Variants in RGS18 observed in about 807,000 individuals in gnomAD.
RGS18 encodes regulator of G-protein signaling 18.
Under a neutral mutation model 27.6 loss-of-function variants are expected in RGS18, and 22 were observed. The ratio of observed to expected loss-of-function variants is 0.80; its 90% CI spans 0.57 to 1.14. The LOEUF (loss-of-function observed/expected upper bound fraction) is 1.14, where lower values mean the gene tolerates loss of function less well. RGS18 is among the 50% of genes most tolerant of loss of function. The pLI, the probability that RGS18 is intolerant of heterozygous loss-of-function variation, is 0.00. For synonymous variants in RGS18, 89 were observed against 84.6 expected, an observed-to-expected ratio of 1.05 and a Z score of -0.29; for missense variants, 299 against 269.6, an observed-to-expected ratio of 1.11 and a Z score of -0.76.
chr1:192,163,457 C>T (rs1443271438), intron 3 of RGS18: 3 of 152,074 alleles, frequency 2.0e-5, no homozygotes, highest in Non-Finnish European at 4.4e-5. Context: ...AAATCCTCAC[C>T]TAGCATTCTG....
intron 4 of RGS18, among the ~76,000 whole-genome samples, chr1:192,182,950 C>G (rs1313885892): frequency 1.3e-5 from 2 of 151,432 alleles, no homozygotes; most frequent in Non-Finnish European, 3.0e-5. Context: ...GTAAATCTAA[C>G]TAGGCAAGTT....
Position 192,184,763 on chromosome 1 carries a change from A to G in RGS18, c.*209A>G. The G allele has an allele frequency of 2.2e-6, 1 of 455,972 alleles. No individual in the cohort carries two copies. Among genetic ancestry groups the G allele is most frequent in the East Asian group, 3.3e-5 (1 of 30,080 alleles). The allele number at this position is 455,972 out of a possible 1,614,324, so 28.2% of individuals were successfully genotyped here. The stretch of plus-strand genomic sequence containing the variant: ...AAAACCTTCTATTTGATGTCATTCC[A>G]TTTATAATCAGAAAAAAAACTTATT... On this transcript the variant is annotated 3_prime_UTR_variant, in exon 5 of 5. Transcript: ENST00000367460.
intron 3 of RGS18, among the ~76,000 whole-genome samples, chr1:192,175,747 C>T (rs531571158): frequency 4.6e-5 from 7 of 151,836 alleles, no homozygotes; most frequent in African/African-American, 9.7e-5. Flanking sequence ...TGCATGGAGG[C>T]TTCTGGGTCC....
At chr1:192,170,844 G>GA (rs1656242826) in intron 3 of RGS18, among the ~76,000 whole-genome samples, 2 of 152,208 alleles carry the variant, frequency 1.3e-5, no homozygotes, top group South Asian at 4.1e-4. Flanking sequence ...GTCTTGAGAG[G>GA]ATATTGCAAT....
chr1:192,172,462 C>T (rs554906938), intron 3 of RGS18, among the ~76,000 whole-genome samples: 1 of 152,070 alleles, frequency 6.6e-6, no homozygotes, highest in Admixed American at 6.6e-5. Context: ...TGCCAGCAGG[C>T]TTCTTATACC....
Position 192,158,528 on chromosome 1 carries a change from TA to T in RGS18, c.-108del. On this transcript the variant is annotated 5_prime_UTR_variant, in exon 1 of 5. Transcript: ENST00000367460. ...GACTTCTTTTTTGTAAACATTACTG[TA>T]AGAGTTGTGATAACTTTTTATTCTA... The T allele has an allele frequency of 2.1e-6, 2 of 962,458 alleles. No homozygotes were observed. The highest frequency in any genetic ancestry group is 1.4e-6 in the Non-Finnish European group (1 of 713,290). 59.6% of individuals were successfully genotyped at this position (962,458 alleles called of 1,614,324 possible). A position where few individuals can be genotyped will look rare whatever the true frequency, so the allele number is the denominator to read the frequency against.
At chr1:192,174,165 G>A (rs1172024642) in intron 3 of RGS18, among the ~76,000 whole-genome samples, 1 of 151,570 alleles carries the variant, frequency 6.6e-6, no homozygotes, top group Non-Finnish European at 1.5e-5. Context: ...TCTCTAACAT[G>A]TAGGTTATTG....
chr1:192,165,301 T>A (rs142255295), intron 3 of RGS18, among the ~76,000 whole-genome samples: 2,827 of 152,238 alleles, frequency 0.019, 88 homozygotes, highest in African/African-American at 0.064. Context: ...CTGTTTCCTG[T>A]TAAGATGTTT....
At chr1:192,174,036 C>T (rs1380271024) in intron 3 of RGS18, among the ~76,000 whole-genome samples, 3 of 151,192 alleles carry the variant, frequency 2.0e-5, no homozygotes, top group Admixed American at 2.0e-4. Context: ...TACTAGACCA[C>T]CATTTTGTGC....
rs993884095 is a variant in RGS18 at position 192,184,709 on chromosome 1, T to C, written c.*155T>C. 6.0e-6 allele frequency: 4 copies of C among 663,018 alleles called. No homozygotes were observed. The highest frequency in any genetic ancestry group is 1.8e-5 in the African/African-American group (1 of 54,654). 41.1% of individuals were successfully genotyped at this position (663,018 alleles called of 1,614,324 possible). Reference sequence around the variant, plus strand: ...AAAACAAAACTTTCTGCTAACAAAATACATACAGTATCTGCCAGTATATTC... The same window carrying C: ...AAAACAAAACTTTCTGCTAACAAAACACATACAGTATCTGCCAGTATATTC... On this transcript the variant is annotated 3_prime_UTR_variant, in exon 5 of 5. Coordinates refer to ENST00000367460, the MANE Select transcript of RGS18 (RefSeq NM_130782.3).
At chr1:192,167,542 C>A (rs1185932634) in intron 3 of RGS18, among the ~76,000 whole-genome samples, 1 of 152,062 alleles carries the variant, frequency 6.6e-6, no homozygotes, top group African/African-American at 2.4e-5. Context: ...GCCTCAGCCT[C>A]CCAAGTAGCT....
rs1656013832 is a variant in RGS18, at chr1:192,158,605, A to G, written c.-33A>G. 6.7e-7 allele frequency: 1 copy of G among 1,503,370 alleles called. No homozygotes were observed. Among genetic ancestry groups the G allele is most frequent in the South Asian group, 1.4e-5 (1 of 73,950 alleles). The allele number at this position is 1,503,370 out of a possible 1,614,324, so 93.1% of individuals were successfully genotyped here. ...AATAAATGAACTAGGGAAGGATGTAATAAATTAGACATCTCTTCATTTTAG... is the reference window on the plus strand; with the variant it reads ...AATAAATGAACTAGGGAAGGATGTAGTAAATTAGACATCTCTTCATTTTAG... On this transcript the variant is annotated 5_prime_UTR_variant, in exon 1 of 5. It removes the in-frame stop codon of an upstream open reading frame in the 5' UTR. Coordinates refer to ENST00000367460, the MANE Select transcript of RGS18 (RefSeq NM_130782.3).
Position 192,181,462 on chromosome 1 carries a change from C to A in RGS18, c.450+4C>A. ...ACAGACTGATGCCCCAAAAGAGGTA[C>A]AGTAAAGATAACTGTAAAAATGCAT... On this transcript the variant is annotated splice_donor_region_variant and intron_variant, in intron 4 of 4. Transcript: ENST00000367460. 1 of 1,515,288 alleles carries A rather than the reference C, an allele frequency of 6.6e-7. No homozygotes were observed. Among genetic ancestry groups the A allele is most frequent in the Non-Finnish European group, 8.8e-7 (1 of 1,139,858 alleles). 93.9% of individuals were successfully genotyped at this position (1,515,288 alleles called of 1,614,324 possible).
At chr1:192,184,206 C>A in intron 4 of RGS18, 91 bp from the exon 5 acceptor site, 2 of 1,167,136 alleles carry the variant, frequency 1.7e-6, no homozygotes, top group Non-Finnish European at 2.4e-6. Flanking sequence ...CCAAGATGCC[C>A]ACTCCAACAT....
chr1:192,163,867 A>ATG (rs1656113971), intron 3 of RGS18, among the ~76,000 whole-genome samples: 1 of 70,508 alleles, frequency 1.4e-5, no homozygotes, highest in African/African-American at 3.1e-5. Context: ...ATATATATAT[A>ATG]TATTTTTTTT....
At chr1:192,164,372 C>A (rs938896439) in intron 3 of RGS18, among the ~76,000 whole-genome samples, 1 of 152,184 alleles carries the variant, frequency 6.6e-6, no homozygotes, top group African/African-American at 2.4e-5. Flanking sequence ...GGGTGACAGA[C>A]AATATATCCA....
chr1:192,168,112 T>C (rs1207189151), intron 3 of RGS18: 1 of 152,228 alleles, frequency 6.6e-6, no homozygotes, highest in African/African-American at 2.4e-5. Flanking sequence ...CATTCACCAC[T>C]GCTGCCTTCT....
Position 192,161,535 on chromosome 1 carries a change from A to C in RGS18, c.283+1096A>C, listed in dbSNP as rs546609855. The C allele has an allele frequency of 2.6e-5, 4 of 152,286 alleles. No individual in the cohort carries two copies. The South Asian group carries it at 8.3e-4, about 32-fold the overall frequency. The allele number at this position is 152,286 out of a possible 1,614,324, so 9.4% of individuals were successfully genotyped here. ...CCACCCTGAACTTGTCAGAGTCTGC[A>C]AAAAAAGCAATGCTTTATCATTACC... On this transcript the variant is annotated intron_variant, in intron 3 of 4. Coordinates refer to ENST00000367460, the MANE Select transcript of RGS18 (RefSeq NM_130782.3).
chr1:192,178,183 G>C lies in RGS18; in HGVS notation c.284-3109G>C, dbSNP rs571798412. On this transcript the variant is annotated intron_variant, in intron 3 of 4. Coordinates refer to ENST00000367460, the MANE Select transcript of RGS18 (RefSeq NM_130782.3). ...AAATCAAATATCCCTGAGAATAAAT[G>C]CCAGGTTTCCCGTTTATATCCCTGA... Among the ~76,000 whole-genome samples, 111 of 151,738 alleles carry C rather than the reference G, an allele frequency of 7.3e-4. 1 individual carries two copies. In the South Asian group the frequency reaches 0.017, roughly 23 times the overall value.
Sources: gnomAD v4.1 joint callset for allele counts (sites outside exome capture counted in the v4.1 genomes callset) on GRCh38, gnomAD v4.1.1 for gene constraint, MANE v1.5 for transcripts, NCBI Gene and HGNC (gene_info 2026-07-23, HGNC 2026-07-21) for gene names.